OPTN: variants seen among roughly 807,000 people sequenced by gnomAD.
OPTN encodes optineurin, also known as E3-14.7K-interacting protein.
A neutral mutation model predicts 70.4 loss-of-function variants in OPTN; 54 were observed. That is an observed-to-expected ratio of 0.77 (90% CI 0.62 to 0.96). OPTN has a LOEUF of 0.96. Among genes scored for constraint, OPTN ranks in the 40% least tolerant of loss-of-function variants. The pLI, the probability that OPTN is intolerant of heterozygous loss-of-function variation, is 0.00. For missense variants in OPTN, 624 were observed against 673.2 expected (o/e 0.93, Z 0.81); for synonymous variants, 256 against 248.5 (o/e 1.03, Z -0.28).
rs113263831 is a variant in OPTN, at chr10:13,117,506, C to T, written c.626+1166C>T. On this transcript the variant is annotated intron_variant, in intron 6 of 14. Coordinates refer to ENST00000378747, the MANE Select transcript of OPTN (RefSeq NM_001008212.2). ...TGCCACTGAGGCTGGAGTGAAGTGG[C>T]GCAATCTCAGCTCACTGCAACGTCT... Among the ~76,000 whole-genome samples the T allele has an allele frequency of 9.4e-3, 1,222 of 130,414 alleles. 10 individuals carry two copies. Among genetic ancestry groups the T allele is most frequent in the African/African-American group, 0.029 (968 of 33,936 alleles). 85.6% of individuals were successfully genotyped at this position (130,414 alleles called of 152,430 possible). A position where few individuals can be genotyped will look rare whatever the true frequency, so the allele number is the denominator to read the frequency against.
intron 11 of OPTN, 74 bp from the exon 12 acceptor site, chr10:13,127,671 C>A (rs963670392): frequency 6.7e-7 from 1 of 1,500,186 alleles, no homozygotes; most frequent in Admixed American, 1.8e-5. Flanking sequence ...AAAAAATAAA[C>A]CTTTTTCTAA....
chr10:13,132,284 T>C lies in OPTN; in HGVS notation c.1532+87T>C, dbSNP rs773971642. The C allele has an allele frequency of 3.1e-4, 474 of 1,510,696 alleles. 4 individuals are homozygous for C. Among genetic ancestry groups the C allele is most frequent in the Middle Eastern group, 1.9e-4 (1 of 5,210 alleles). 93.6% of individuals were successfully genotyped at this position (1,510,696 alleles called of 1,614,324 possible). Reference sequence around the variant, plus strand: ...GTCCAAAGACGTTCCTGATTTGAACTATAAGAATAGCTGTGTTCGCGCCAC... The same window carrying C: ...GTCCAAAGACGTTCCTGATTTGAACCATAAGAATAGCTGTGTTCGCGCCAC... On this transcript the variant is annotated intron_variant, in intron 13 of 14. Coordinates refer to ENST00000378747, the MANE Select transcript of OPTN (RefSeq NM_001008212.2).
In OPTN at chr10:13,134,519, G is replaced by A. The variant is rs138992173; in HGVS notation, c.1612+938G>A. Among the ~76,000 whole-genome samples the A allele has an allele frequency of 5.5e-3, 831 of 152,190 alleles. 9 individuals carry two copies. Among genetic ancestry groups the A allele is most frequent in the African/African-American group, 0.019 (782 of 41,516 alleles). On this transcript the variant is annotated intron_variant, in intron 14 of 14. Transcript: ENST00000378747. ...ATGATCGTGGATCACTGCAACCTCC[G>A]CCTCCCGGGTTCAAGCGATTCTCCT...
In OPTN at chr10:13,117,080, CT is replaced by C. The variant is rs560052353; in HGVS notation, c.626+758del. Among the ~76,000 whole-genome samples, 761 of 121,364 alleles carry C rather than the reference CT, an allele frequency of 6.3e-3. 7 individuals carry two copies. Among genetic ancestry groups the C allele is most frequent in the Non-Finnish European group, 7.3e-3 (448 of 61,682 alleles). The allele number at this position is 121,364 out of a possible 152,430, so 79.6% of individuals were successfully genotyped here. On this transcript the variant is annotated intron_variant, in intron 6 of 14. Coordinates refer to ENST00000378747, the MANE Select transcript of OPTN (RefSeq NM_001008212.2). ...TGTCTGAAAAGAACTCTAAGGATCT[CT>C]TTTTTTTTTTTTTTTTTGAGACGGA... is the stretch of plus-strand genomic sequence containing the variant.
At chr10:13,131,982 C>A in intron 12 of OPTN, 85 bp from the exon 13 acceptor site, 1 of 1,375,122 alleles carries the variant, frequency 7.3e-7, no homozygotes, top group Non-Finnish European at 1.0e-6. Context: ...TTGAAGGATA[C>A]AGCACTACCT....
intron 1 of OPTN, among the ~76,000 whole-genome samples, chr10:13,101,027 A>G (rs1382076421): frequency 6.6e-6 from 1 of 152,236 alleles, no homozygotes; most frequent in African/African-American, 2.4e-5. Flanking sequence ...GGATCTGGTT[A>G]GCAAGGTGCA....
rs753966040 is a variant in OPTN at position 13,109,191 on chromosome 10, AC to A, written c.76del (p.His26ThrfsTer19). 2.2e-5 allele frequency: 35 copies of A among 1,612,914 alleles called. No individual in the cohort carries two copies. Among genetic ancestry groups the A allele is most frequent in the Non-Finnish European group, 2.9e-5 (34 of 1,179,616 alleles). On this transcript the variant is annotated frameshift_variant, in exon 3 of 15. Coordinates refer to ENST00000378747, the MANE Select transcript of OPTN (RefSeq NM_001008212.2). LOFTEE classifies it high-confidence loss of function. Reference sequence around the variant, plus strand: ...GCCCCAGTGAAAGCACAGGAAATGGACCCCCCCACCTGGCCCACCCAAACCT... The same window carrying A: ...GCCCCAGTGAAAGCACAGGAAATGGACCCCCCACCTGGCCCACCCAAACCT... The part of the protein sequence containing the change: ...DSPSESTGNG[P>X]PHLAHPNLDT...
rs983399178 is a variant in OPTN at position 13,117,703 on chromosome 10, T to G, written c.627-1185T>G. On this transcript the variant is annotated intron_variant, in intron 6 of 14. Transcript: ENST00000378747. ...CTCAGGTGATCCTCTGGTCTCAGCC[T>G]CCCAAAGCGCTGGGATTACAGGCGT... is the stretch of plus-strand genomic sequence containing the variant. 1.7e-4 allele frequency among the ~76,000 whole-genome samples: 26 copies of G among 152,160 alleles called. 1 individual carries two copies. The highest frequency in any genetic ancestry group is 1.6e-3 in the Admixed American group (25 of 15,278).
chr10:13,104,582 A>G, intron 1 of OPTN: 1 of 644,886 alleles, frequency 1.6e-6, no homozygotes. Flanking sequence ...TACTCATTCC[A>G]AGGCTTCTAA....
chr10:13,106,951 T>C (rs1832878417), intron 1 of OPTN, among the ~76,000 whole-genome samples: 1 of 152,142 alleles, frequency 6.6e-6, no homozygotes. Flanking sequence ...CTTTCCCCCG[T>C]TAGAAATGGG....
intron 5 of OPTN, among the ~76,000 whole-genome samples, chr10:13,114,851 T>TAATTATATAATTGTAG (rs1833110321): frequency 1.3e-5 from 1 of 75,960 alleles, no homozygotes; most frequent in Non-Finnish European, 2.3e-5. Context: ...TATAATTGTA[T>TAATTATATAATTGTAG]AATATATTCT....
rs1443229018 is a variant in OPTN at position 13,111,030 on chromosome 10, C to T, written c.369+554C>T. Among the ~76,000 whole-genome samples the T allele has an allele frequency of 2.0e-5, 3 of 152,292 alleles. No individual in the cohort carries two copies. The East Asian group carries it at 5.8e-4, about 29-fold the overall frequency. ...CCCAAAGAACCTGGAAAAATGTGCT[C>T]ATACCTGGGAGTGGATGTCAAAGAT... On this transcript the variant is annotated intron_variant, in intron 4 of 14. Transcript: ENST00000378747.
In OPTN at chr10:13,132,170, A is replaced by C; in HGVS notation, c.1505A>C (p.Glu502Ala). 6.2e-7 allele frequency: 1 copy of C among 1,613,426 alleles called. No homozygotes were observed. The highest frequency in any genetic ancestry group is 8.5e-7 in the Non-Finnish European group (1 of 1,179,480). The change falls in exon 13 of 15, where the codon GAG becomes GCG. Residue 502 changes from glutamate to alanine, a missense_variant. Physicochemically the swap from Glu to Ala is moderately radical, Grantham distance 107. Transcript: ENST00000378747. Reference protein sequence around the residue: ...LALQLAVLLKENDAFEDGGRQ... With the variant: ...LALQLAVLLKANDAFEDGGRQ... ...TTGCAGCTGGCAGTTCTGCTGAAAG[A>C]GAATGATGCTTTCGAAGACGGAGGC...
chr10:13,109,360 G>C (rs1214987943), intron 3 of OPTN, 72 bp downstream of exon 3: 2 of 1,494,630 alleles, frequency 1.3e-6, no homozygotes. Context: ...TTGCACTAAG[G>C]CTTGGTGGTG....
Position 13,137,166 on chromosome 10 carries a change from C to G in OPTN, c.*300C>G. 2.3e-6 allele frequency: 1 copy of G among 436,780 alleles called. No individual in the cohort carries two copies. Among genetic ancestry groups the G allele is most frequent in the South Asian group, 2.1e-5 (1 of 47,600 alleles). The allele number at this position is 436,780 out of a possible 1,614,324, so 27.1% of individuals were successfully genotyped here. The stretch of plus-strand genomic sequence containing the variant: ...TGGTGGCGCATGCCTGTAGTCGCAG[C>G]TACTCGCGAGGTTGAGGCAGGAGAA... On this transcript the variant is annotated 3_prime_UTR_variant, in exon 15 of 15. Transcript: ENST00000378747.
At chr10:13,117,443 T>TG (rs1833243161) in intron 6 of OPTN, among the ~76,000 whole-genome samples, 1 of 34,892 alleles carries the variant, frequency 2.9e-5, no homozygotes, top group African/African-American at 1.0e-4. Flanking sequence ...GATGGAGTTT[T>TG]TTTTTTTTTT....
intron 12 of OPTN, among the ~76,000 whole-genome samples, chr10:13,128,835 G>A (rs1473304170): frequency 2.6e-5 from 4 of 151,956 alleles, no homozygotes; most frequent in African/African-American, 4.8e-5. Flanking sequence ...GAGCCACTGC[G>A]CCTGGCCTGG....
In OPTN at chr10:13,133,382, A is replaced by G. The variant is rs928266888; in HGVS notation, c.1533-120A>G. ...TAAAACTAAAATTAGTCTGGTTTTT[A>G]TGAACCTTGGCAGTGTAGTTTGAGT... is the stretch of plus-strand genomic sequence containing the variant. On this transcript the variant is annotated intron_variant, in intron 13 of 14. Transcript: ENST00000378747. 6.9e-5 allele frequency: 56 copies of G among 814,094 alleles called. 1 individual carries two copies. In the Middle Eastern group the frequency reaches 1.6e-3, roughly 23 times the overall value. The allele number at this position is 814,094 out of a possible 1,614,324, so 50.4% of individuals were successfully genotyped here.
rs560947786 is a variant in OPTN, at chr10:13,138,151, T to C, written c.*1285T>C. 112 of 195,490 alleles carry C rather than the reference T, an allele frequency of 5.7e-4. No homozygotes were observed. The highest frequency in any genetic ancestry group is 1.0e-3 in the Non-Finnish European group (94 of 94,054). 12.1% of individuals were successfully genotyped at this position (195,490 alleles called of 1,614,324 possible). On this transcript the variant is annotated 3_prime_UTR_variant, in exon 15 of 15. Transcript: ENST00000378747. ...TGCTGTGTGAGTTAGAAGTCATTCT[T>C]GCTGAGAAGGTGAATAGGTAGGGAT...
Sources: allele counts gnomAD v4.1 joint callset (sites outside exome capture counted in the v4.1 genomes callset), GRCh38; gene constraint gnomAD v4.1.1; transcripts MANE v1.5; gene names NCBI Gene and HGNC (gene_info 2026-07-23, HGNC 2026-07-21).